The following MAP3K13 variants were observed in gnomAD, a reference collection of about 807,000 sequenced individuals.
The protein encoded by MAP3K13 is mitogen-activated protein kinase kinase kinase 13, also known as leucine zipper-bearing kinase.
In MAP3K13, 52 loss-of-function variants were observed where a neutral mutation model predicts 104.0. That is an observed-to-expected ratio of 0.50 (90% CI 0.40 to 0.63). The LOEUF is 0.63. MAP3K13 is among the 20% of genes least tolerant of loss of function. The probability of loss-of-function intolerance (pLI) is 0.00; values close to 1 mark genes in which losing one functional copy is unlikely to be tolerated. For synonymous variants in MAP3K13, 394 were observed against 442.2 expected, an observed-to-expected ratio of 0.89 and a Z score of 1.37; for missense variants, 914 against 1,218.5, an observed-to-expected ratio of 0.75 and a Z score of 3.72.
At chr3:185,452,611 G>C (rs1177603575) in intron 7 of MAP3K13, among the ~76,000 whole-genome samples, 1 of 152,082 alleles carries the variant, frequency 6.6e-6, no homozygotes. Context: ...TGGCAATTTG[G>C]GCCAGGCAGT....
At chr3:185,322,180 A>T (rs1380969728) in intron 2 of MAP3K13, among the ~76,000 whole-genome samples, 2 of 152,116 alleles carry the variant, frequency 1.3e-5, no homozygotes, top group African/African-American at 4.8e-5. Flanking sequence ...GGCTTCATAT[A>T]CCCCAGTTTG....
In MAP3K13 at chr3:185,428,842, A is replaced by G; in HGVS notation, c.261A>G (p.Leu87=). The G allele has an allele frequency of 6.2e-7, 1 of 1,614,164 alleles. No individual in the cohort carries two copies. Among genetic ancestry groups the G allele is most frequent in the Non-Finnish European group, 8.5e-7 (1 of 1,180,026 alleles). Residue 87 remains leucine (L), a synonymous_variant, in exon 2 of 14, where the codon CTA becomes CTG. Coordinates refer to ENST00000265026, the MANE Select transcript of MAP3K13 (RefSeq NM_004721.5). ...AGTTTGAGAACAGCGTTCTTCAGCT[A>G]AGGGAACACGATGAATCAGAGACGG... ...RDQFENSVLQ[L]REHDESETAV...
chr3:185,357,899 A>G (rs1383637402), intron 2 of MAP3K13, among the ~76,000 whole-genome samples: 1 of 152,252 alleles, frequency 6.6e-6, no homozygotes, highest in Non-Finnish European at 1.5e-5. Context: ...AAAAATATTG[A>G]ATAGTTAAGT....
intron 4 of MAP3K13, among the ~76,000 whole-genome samples, chr3:185,447,357 G>A (rs1046650477): frequency 2.0e-5 from 3 of 151,674 alleles, no homozygotes; most frequent in African/African-American, 7.3e-5. Flanking sequence ...TGGGCATGGT[G>A]GCAGGTGCCT....
chr3:185,379,080 G>A (rs1209049539), intron 1 of MAP3K13, among the ~76,000 whole-genome samples: 1 of 152,166 alleles, frequency 6.6e-6, no homozygotes, highest in African/African-American at 2.4e-5. Flanking sequence ...AAGGGGGCGG[G>A]CAGCAGCCCC....
At chr3:185,353,049 T>C (rs1177882626) in intron 2 of MAP3K13, among the ~76,000 whole-genome samples, 1 of 152,262 alleles carries the variant, frequency 6.6e-6, no homozygotes, top group Non-Finnish European at 1.5e-5. Flanking sequence ...CATTATTTAA[T>C]TGTAAGTGTA....
At chr3:185,436,103 T>C (rs1715014612) in intron 2 of MAP3K13, among the ~76,000 whole-genome samples, 1 of 152,234 alleles carries the variant, frequency 6.6e-6, no homozygotes, top group Non-Finnish European at 1.5e-5. Context: ...GATTACATTC[T>C]TTTTTAAAAA....
chr3:185,326,421 C>A (rs768700443), intron 2 of MAP3K13, among the ~76,000 whole-genome samples: 43 of 152,114 alleles, frequency 2.8e-4, no homozygotes, highest in Non-Finnish European at 5.3e-4. Flanking sequence ...ATCTATTGAT[C>A]CAGACACGAA....
intron 8 of MAP3K13, 60 bp downstream of exon 8, chr3:185,463,719 C>A: frequency 1.1e-6 from 1 of 916,192 alleles, no homozygotes; most frequent in Non-Finnish European, 1.8e-6. Context: ...TGTTAACAGG[C>A]ACCCTTATCA....
chr3:185,329,893 CTTTTT>C (rs71162293), intron 2 of MAP3K13, among the ~76,000 whole-genome samples: 8 of 104,660 alleles, frequency 7.6e-5, no homozygotes, highest in East Asian at 2.8e-4. Flanking sequence ...AGCCAGTAGC[CTTTTT>C]TTTTTTTTTT....
intron 2 of MAP3K13, among the ~76,000 whole-genome samples, chr3:185,305,394 C>T (rs531492695): frequency 6.6e-6 from 1 of 152,228 alleles, no homozygotes; most frequent in African/African-American, 2.4e-5. Context: ...AACTCTACTC[C>T]TTCACATATC....
intron 2 of MAP3K13, among the ~76,000 whole-genome samples, chr3:185,430,019 G>T (rs1229447105): frequency 3.9e-5 from 6 of 152,108 alleles, no homozygotes; most frequent in Admixed American, 3.9e-4. Flanking sequence ...GGCCAACATG[G>T]TGATACCCCG....
At chr3:185,370,818 G>A (rs1216658905) in intron 1 of MAP3K13, among the ~76,000 whole-genome samples, 7 of 148,598 alleles carry the variant, frequency 4.7e-5, no homozygotes, top group Non-Finnish European at 3.0e-5. Context: ...TGTGGCTACC[G>A]ATAATCCAGT....
At chr3:185,395,146 T>A (rs1190456980) in intron 1 of MAP3K13, among the ~76,000 whole-genome samples, 1 of 152,068 alleles carries the variant, frequency 6.6e-6, no homozygotes, top group African/African-American at 2.4e-5. Context: ...GATTCTTGTT[T>A]CTTGATATAG....
chr3:185,326,350 G>C (rs1471015753), intron 2 of MAP3K13, among the ~76,000 whole-genome samples: 1 of 152,036 alleles, frequency 6.6e-6, no homozygotes, highest in East Asian at 1.9e-4. Flanking sequence ...ACGCCCCCAG[G>C]ATTTTAGCAG....
At chr3:185,392,138 C>T (rs1712092737) in intron 1 of MAP3K13, among the ~76,000 whole-genome samples, 1 of 152,136 alleles carries the variant, frequency 6.6e-6, no homozygotes, top group Non-Finnish European at 1.5e-5. Context: ...TTATGAAAGA[C>T]ATTATATATT....
At chr3:185,437,818 G>T (rs1373381626) in intron 3 of MAP3K13, among the ~76,000 whole-genome samples, 188 bp downstream of exon 3, 1 of 152,050 alleles carries the variant, frequency 6.6e-6, no homozygotes, top group Non-Finnish European at 1.5e-5. Context: ...ATAATCCAGT[G>T]GTTCATTTTG....
chr3:185,395,357 C>CTTTCTTTTTTTTTTTTTTTTT (rs1553798321), intron 1 of MAP3K13, among the ~76,000 whole-genome samples: 7 of 69,978 alleles, frequency 1.0e-4, no homozygotes, highest in African/African-American at 1.4e-4. Flanking sequence ...AATATTATTT[C>CTTTCTTTTTTTTTTTTTTTTT]TTTTTTTTTT....
chr3:185,382,413 T>G (rs1305195625), intron 1 of MAP3K13, among the ~76,000 whole-genome samples: 1 of 152,182 alleles, frequency 6.6e-6, no homozygotes, highest in African/African-American at 2.4e-5. Flanking sequence ...TTAAGACTAC[T>G]GTATATGATG....
Sources: gnomAD v4.1 joint callset for allele counts (sites outside exome capture counted in the v4.1 genomes callset) on GRCh38, gnomAD v4.1.1 for gene constraint, MANE v1.5 for transcripts, NCBI Gene and HGNC (gene_info 2026-07-23, HGNC 2026-07-21) for gene names.